The following HS6ST3 variants were observed in gnomAD, a reference collection of about 807,000 sequenced individuals.
HS6ST3 encodes the protein heparan-sulfate 6-O-sulfotransferase 3.
Under a neutral mutation model 36.7 loss-of-function variants are expected in HS6ST3, and 12 were observed. The observed-to-expected ratio is 0.33, with a 90% CI of 0.21 to 0.53. HS6ST3 has a LOEUF of 0.53. Among genes scored for constraint, HS6ST3 ranks in the 20% least tolerant of loss-of-function variants. HS6ST3 has a pLI of 0.95. For synonymous variants in HS6ST3, 240 were observed against 257.5 expected, an observed-to-expected ratio of 0.93 and a Z score of 0.65; for missense variants, 584 against 640.9, an observed-to-expected ratio of 0.91 and a Z score of 0.96.
intron 1 of HS6ST3, among the ~76,000 whole-genome samples, chr13:96,742,329 A>G (rs1876461377): frequency 1.3e-5 from 2 of 152,176 alleles, no homozygotes; most frequent in African/African-American, 2.4e-5. Flanking sequence ...AAATATATCC[A>G]TAATCTCAAT....
intron 1 of HS6ST3, among the ~76,000 whole-genome samples, chr13:96,109,143 T>C (rs1451071986): frequency 6.6e-6 from 1 of 152,224 alleles, no homozygotes; most frequent in African/African-American, 2.4e-5. Flanking sequence ...AAGTTGGCTA[T>C]CTAAAGGCAT....
chr13:96,702,546 G>A (rs1375214144), intron 1 of HS6ST3, among the ~76,000 whole-genome samples: 1 of 152,126 alleles, frequency 6.6e-6, no homozygotes, highest in Non-Finnish European at 1.5e-5. Context: ...AGTACAGTGC[G>A]GATCATCTAC....
At chr13:96,625,607 T>A (rs1037398029) in intron 1 of HS6ST3, among the ~76,000 whole-genome samples, 2 of 152,150 alleles carry the variant, frequency 1.3e-5, no homozygotes, top group Non-Finnish European at 2.9e-5. Context: ...TTAATTAAAT[T>A]TTCCTAAATA....
At chr13:96,799,655 T>C (rs1476435768) in intron 1 of HS6ST3, among the ~76,000 whole-genome samples, 1 of 139,648 alleles carries the variant, frequency 7.2e-6, no homozygotes, top group East Asian at 2.5e-4. Flanking sequence ...GGGGGAGGGA[T>C]AGCATTGGGA....
chr13:96,224,738 G>A lies in HS6ST3; in HGVS notation c.707+133169G>A, dbSNP rs980442046. ...AAGGAGACAGAGTTAGAATTAGGCA[G>A]TGCTTGGTCATCGAAGGTTACAGAG... On this transcript the variant is annotated intron_variant, in intron 1 of 1. Coordinates refer to ENST00000376705, the MANE Select transcript of HS6ST3 (RefSeq NM_153456.4). Among the ~76,000 whole-genome samples, 7 of 152,214 alleles carry A rather than the reference G, an allele frequency of 4.6e-5. 1 individual carries two copies. The highest frequency in any genetic ancestry group is 1.5e-5 in the Non-Finnish European group (1 of 68,038).
At chr13:96,587,454 A>T (rs2056366086) in intron 1 of HS6ST3, among the ~76,000 whole-genome samples, 1 of 152,316 alleles carries the variant, frequency 6.6e-6, no homozygotes, top group Admixed American at 6.5e-5. Flanking sequence ...TACAAAGAAA[A>T]TAGGTTTCTT....
At chr13:96,753,812 T>C (rs1165991054) in intron 1 of HS6ST3, among the ~76,000 whole-genome samples, 4 of 152,122 alleles carry the variant, frequency 2.6e-5, no homozygotes, top group Non-Finnish European at 5.9e-5. Flanking sequence ...AGGGATTACA[T>C]TGTACTGTTA....
rs117382290 is a variant in HS6ST3, at chr13:96,198,249, C to T, written c.707+106680C>T. ...GTGTGGGGACCCTGGGCCTGGCCCA[C>T]GAAACCGCTTTTTCCTCCTGGGCCT... On this transcript the variant is annotated intron_variant, in intron 1 of 1. Coordinates refer to ENST00000376705, the MANE Select transcript of HS6ST3 (RefSeq NM_153456.4). Among the ~76,000 whole-genome samples, 140 of 152,272 alleles carry T rather than the reference C, an allele frequency of 9.2e-4. 1 individual carries two copies. The highest frequency in any genetic ancestry group is 1.5e-3 in the Non-Finnish European group (104 of 68,018).
chr13:96,212,694 A>G (rs2054404757), intron 1 of HS6ST3, among the ~76,000 whole-genome samples: 1 of 152,128 alleles, frequency 6.6e-6, no homozygotes, highest in Admixed American at 6.5e-5. Context: ...ATGTTATTTT[A>G]TCCTCTTGGT....
At chr13:96,383,699 G>T (rs1407941440) in intron 1 of HS6ST3, among the ~76,000 whole-genome samples, 3 of 145,732 alleles carry the variant, frequency 2.1e-5, no homozygotes, top group Non-Finnish European at 4.6e-5. Flanking sequence ...AAACAGTTCT[G>T]CAAGGGGACC....
chr13:96,506,696 C>T (rs138081299), intron 1 of HS6ST3, among the ~76,000 whole-genome samples: 2,214 of 152,194 alleles, frequency 0.015, 31 homozygotes, highest in South Asian at 0.03. Flanking sequence ...TTATAAGGTA[C>T]GTACAAATAT....
intron 1 of HS6ST3, among the ~76,000 whole-genome samples, chr13:96,798,722 G>A (rs1389805607): frequency 6.6e-6 from 1 of 152,076 alleles, no homozygotes; most frequent in Non-Finnish European, 1.5e-5. Context: ...ACGCATCTAT[G>A]TGTGTGCTTG....
At chr13:96,520,428 C>T (rs1052955455) in intron 1 of HS6ST3, among the ~76,000 whole-genome samples, 2 of 152,146 alleles carry the variant, frequency 1.3e-5, no homozygotes, top group African/African-American at 4.8e-5. Flanking sequence ...ATAATTGAAT[C>T]TATAAATTAC....
At chr13:96,453,786 C>T (rs1275231413) in intron 1 of HS6ST3, among the ~76,000 whole-genome samples, 1 of 152,204 alleles carries the variant, frequency 6.6e-6, no homozygotes, top group Non-Finnish European at 1.5e-5. Context: ...TAGTACATAA[C>T]ACCCCTTCTT....
chr13:96,251,156 A>G (rs373960885), intron 1 of HS6ST3, among the ~76,000 whole-genome samples: 1 of 152,318 alleles, frequency 6.6e-6, no homozygotes, highest in Admixed American at 6.5e-5. Flanking sequence ...TTTAGAGGAT[A>G]GGTGTTAATT....
intron 1 of HS6ST3, among the ~76,000 whole-genome samples, chr13:96,440,116 A>G (rs1008899038): frequency 6.6e-6 from 1 of 152,176 alleles, no homozygotes; most frequent in African/African-American, 2.4e-5. Flanking sequence ...GTTTGCTGTT[A>G]AGGCTAAACT....
chr13:96,365,574 C>A (rs571584678), intron 1 of HS6ST3, among the ~76,000 whole-genome samples: 1 of 152,218 alleles, frequency 6.6e-6, no homozygotes, highest in East Asian at 1.9e-4. Context: ...ACTTGTTATA[C>A]TATTCTACTT....
At chr13:96,374,913 G>A (rs540735525) in intron 1 of HS6ST3, among the ~76,000 whole-genome samples, 14 of 152,002 alleles carry the variant, frequency 9.2e-5, no homozygotes, top group South Asian at 4.2e-4. Flanking sequence ...TTAATTTTAC[G>A]TATCAACTAA....
rs541882217 is a variant in HS6ST3, at chr13:96,514,310, A to G, written c.708-318180A>G. Among the ~76,000 whole-genome samples, 6 of 152,270 alleles carry G rather than the reference A, an allele frequency of 3.9e-5. No homozygotes were observed. In the South Asian group the frequency reaches 1.0e-3, roughly 26 times the overall value. The stretch of plus-strand genomic sequence containing the variant: ...GTGCAGCCAGCAGGATTTGGTGATT[A>G]ATTCAATGTGAGATATAAAGTTTGA... On this transcript the variant is annotated intron_variant, in intron 1 of 1. Transcript: ENST00000376705.
Sources: allele counts gnomAD v4.1 joint callset (sites outside exome capture counted in the v4.1 genomes callset), GRCh38; gene constraint gnomAD v4.1.1; transcripts MANE v1.5; gene names NCBI Gene and HGNC (gene_info 2026-07-23, HGNC 2026-07-21).